Variants in RAD51B observed in about 807,000 individuals in gnomAD.
The protein encoded by RAD51B is RAD51 paralog B.
In RAD51B, 38 loss-of-function variants were observed where a neutral mutation model predicts 42.2. That is an observed-to-expected ratio of 0.90 (90% CI 0.70 to 1.18). The LOEUF (loss-of-function observed/expected upper bound fraction) is 1.18. Ranked by LOEUF, RAD51B falls within the 50% of genes most tolerant of loss-of-function variation. The probability of loss-of-function intolerance (pLI) is 0.00; values close to 1 mark genes in which losing one functional copy is unlikely to be tolerated. For synonymous variants in RAD51B, 154 were observed against 145.2 expected (o/e 1.06, Z -0.43); for missense variants, 373 against 400.7 (o/e 0.93, Z 0.59).
intron 10 of RAD51B, among the ~76,000 whole-genome samples, chr14:68,604,117 G>A (rs1173516196): frequency 2.0e-5 from 3 of 152,234 alleles, no homozygotes; most frequent in East Asian, 1.9e-4. Flanking sequence ...CCTGAGAAGC[G>A]CAGACGTCTC....
At chr14:68,058,382 G>A (rs2076514596) in intron 7 of RAD51B, among the ~76,000 whole-genome samples, 1 of 152,100 alleles carries the variant, frequency 6.6e-6, no homozygotes, top group Non-Finnish European at 1.5e-5. Flanking sequence ...GGCAATACGT[G>A]TACATTTTTT....
chr14:68,098,102 T>C (rs1384510380), intron 7 of RAD51B, among the ~76,000 whole-genome samples: 4 of 152,236 alleles, frequency 2.6e-5, no homozygotes, highest in African/African-American at 9.6e-5. Flanking sequence ...TAAACTGTTA[T>C]CATGACTGAC....
chr14:67,928,463 A>T, intron 7 of RAD51B, among the ~76,000 whole-genome samples: 1 of 152,058 alleles, frequency 6.6e-6, no homozygotes, highest in Non-Finnish European at 1.5e-5. Flanking sequence ...GCGGTGTCTG[A>T]TTTGCATACA....
chr14:68,189,398 C>T (rs920570966), intron 7 of RAD51B, among the ~76,000 whole-genome samples: 2 of 151,980 alleles, frequency 1.3e-5, no homozygotes, highest in Admixed American at 1.3e-4. Flanking sequence ...ATGTTTCAAA[C>T]CAAGTAATAT....
chr14:68,422,133 A>T, intron 9 of RAD51B: 1 of 1,418,602 alleles, frequency 7.0e-7, no homozygotes. Context: ...AACAGCTCGA[A>T]GGAGACATGG....
chr14:68,435,030 T>C (rs969395940), intron 9 of RAD51B, among the ~76,000 whole-genome samples: 1 of 152,196 alleles, frequency 6.6e-6, no homozygotes, highest in African/African-American at 2.4e-5. Context: ...AAAATATAAT[T>C]TCAACTTTTA....
chr14:68,203,240 T>C (rs1210276154), intron 7 of RAD51B, among the ~76,000 whole-genome samples: 1 of 152,220 alleles, frequency 6.6e-6, no homozygotes, highest in African/African-American at 2.4e-5. Flanking sequence ...AAGACTTGAA[T>C]GTTGAAATTA....
intron 8 of RAD51B, among the ~76,000 whole-genome samples, chr14:68,398,826 G>A (rs1351704075): frequency 6.6e-6 from 1 of 152,146 alleles, no homozygotes; most frequent in African/African-American, 2.4e-5. Context: ...ATGCATGATG[G>A]TACATGGACT....
intron 7 of RAD51B, among the ~76,000 whole-genome samples, chr14:67,972,708 T>G (rs2074921751): frequency 6.6e-6 from 1 of 152,100 alleles, no homozygotes; most frequent in Non-Finnish European, 1.5e-5. Flanking sequence ...AGAGAAATCT[T>G]GTCAAACAAG....
At chr14:68,561,504 G>A (rs1392794232) in intron 10 of RAD51B, among the ~76,000 whole-genome samples, 1 of 152,162 alleles carries the variant, frequency 6.6e-6, no homozygotes, top group Non-Finnish European at 1.5e-5. Context: ...GAGGTGACTA[G>A]GAAGAAGAAA....
At chr14:68,451,428 C>G (rs2085554930) in intron 9 of RAD51B, among the ~76,000 whole-genome samples, 1 of 152,164 alleles carries the variant, frequency 6.6e-6, no homozygotes, top group African/African-American at 2.4e-5. Context: ...AAAGACGAAG[C>G]TGACAGGTTC....
intron 9 of RAD51B, among the ~76,000 whole-genome samples, chr14:68,455,061 A>G (rs976319197): frequency 6.6e-6 from 1 of 152,016 alleles, no homozygotes; most frequent in African/African-American, 2.4e-5. Flanking sequence ...CCCAACATAC[A>G]CACACACAGG....
chr14:67,886,454 C>T (rs2140053298), intron 6 of RAD51B: 1 of 214,374 alleles, frequency 4.7e-6, no homozygotes, highest in East Asian at 6.9e-5. Context: ...GTTGGAAGCC[C>T]TCTGTTTCTT....
chr14:68,611,964 C>T (rs1482192728), downstream of RAD51B, among the ~76,000 whole-genome samples: 1 of 152,134 alleles, frequency 6.6e-6, no homozygotes, highest in Non-Finnish European at 1.5e-5. Flanking sequence ...AGGCTCATAT[C>T]CTTGCTGTGA....
chr14:67,951,178 C>A (rs1005341095), intron 7 of RAD51B, among the ~76,000 whole-genome samples: 1 of 152,168 alleles, frequency 6.6e-6, no homozygotes, highest in African/African-American at 2.4e-5. Flanking sequence ...TTGCCACAAA[C>A]CCTGAATGTG....
intron 10 of RAD51B, chr14:68,540,062 C>G: frequency 2.1e-6 from 1 of 467,008 alleles, no homozygotes; most frequent in African/African-American, 2.1e-5. Flanking sequence ...CGGTGAGCAG[C>G]TGTACCAAAG....
intron 8 of RAD51B, among the ~76,000 whole-genome samples, chr14:68,303,288 G>T (rs929263966): frequency 6.6e-6 from 1 of 151,960 alleles, no homozygotes; most frequent in Non-Finnish European, 1.5e-5. Context: ...ACATGGACAC[G>T]GGGAGAGAAA....
chr14:68,304,126 C>T (rs1171962030), intron 8 of RAD51B, among the ~76,000 whole-genome samples: 1 of 151,124 alleles, frequency 6.6e-6, no homozygotes, highest in Non-Finnish European at 1.5e-5. Flanking sequence ...GCAGAGATGG[C>T]GCCACTGCAC....
At chr14:68,249,404 C>T (rs117277659) in intron 7 of RAD51B, among the ~76,000 whole-genome samples, 2,556 of 152,198 alleles carry the variant, frequency 0.017, 29 homozygotes, top group Middle Eastern at 0.044. Context: ...CCTGTAAAAC[C>T]AAGTCTGAAT....
Sources: gnomAD v4.1 joint callset for allele counts (sites outside exome capture counted in the v4.1 genomes callset) on GRCh38, gnomAD v4.1.1 for gene constraint, MANE v1.5 for transcripts, NCBI Gene and HGNC (gene_info 2026-07-23, HGNC 2026-07-21) for gene names.